The following YARS1 variants were observed in gnomAD, a reference collection of about 807,000 sequenced individuals.
The protein encoded by YARS1 is tyrosine--tRNA ligase, cytoplasmic.
Under a neutral mutation model 62.2 loss-of-function variants are expected in YARS1, and 36 were observed. The ratio of observed to expected loss-of-function variants is 0.58; its 90% CI spans 0.44 to 0.76. YARS1 has a LOEUF of 0.76. Ranked by LOEUF, YARS1 falls within the 30% of genes least tolerant of loss-of-function variation. YARS1 has a pLI of 0.00. For synonymous variants in YARS1, 234 were observed against 244.9 expected, an observed-to-expected ratio of 0.96 and a Z score of 0.42; for missense variants, 524 against 639.8, an observed-to-expected ratio of 0.82 and a Z score of 1.95.
Position 32,780,234 on chromosome 1 carries a change from C to T in YARS1, c.1185G>A (p.Gly395=), listed in dbSNP as rs1185333126. The part of the protein sequence containing the change: ...DSLYVEKIDV[G]EAEPRTVVSG... ...TCACCACAGTCCGTGGTTCAGCTTCCCCCACGTCAATCTTCTCTACATACA... is the reference window on the plus strand; with the variant it reads ...TCACCACAGTCCGTGGTTCAGCTTCTCCCACGTCAATCTTCTCTACATACA... The change falls in exon 11 of 13, where the codon GGG becomes GGA. Residue 395 remains glycine, a synonymous_variant. Coordinates refer to ENST00000373477, the MANE Select transcript of YARS1 (RefSeq NM_003680.4). 2 of 1,614,132 alleles carry T rather than the reference C, an allele frequency of 1.2e-6. No individual in the cohort carries two copies. The highest frequency in any genetic ancestry group is 3.3e-5 in the Admixed American group (2 of 60,014).
intron 4 of YARS1, among the ~76,000 whole-genome samples, chr1:32,804,717 C>T (rs1638407456): frequency 6.6e-6 from 1 of 151,702 alleles, no homozygotes; most frequent in Non-Finnish European, 1.5e-5. Context: ...GACGTGATGG[C>T]GGCCGGGAAG....
intron 4 of YARS1, among the ~76,000 whole-genome samples, chr1:32,799,535 T>C (rs1388400165): frequency 3.3e-5 from 5 of 152,080 alleles, no homozygotes; most frequent in Admixed American, 3.3e-4. Flanking sequence ...TTTAAAAAAG[T>C]AGAATCGATA....
At chr1:32,792,502 G>T (rs1233103957) in intron 5 of YARS1, among the ~76,000 whole-genome samples, 1 of 152,116 alleles carries the variant, frequency 6.6e-6, no homozygotes, top group African/African-American at 2.4e-5. Context: ...GAGAAAAGTG[G>T]CTGACAGTTA....
intron 6 of YARS1, among the ~76,000 whole-genome samples, chr1:32,789,252 G>A (rs1012636724): frequency 2.6e-5 from 4 of 152,112 alleles, no homozygotes; most frequent in African/African-American, 9.7e-5. Flanking sequence ...GGACATCTTT[G>A]CAGTCTTTTC....
Position 32,797,854 on chromosome 1 carries a change from A to G in YARS1, c.511-11T>C. 1 of 1,610,846 alleles carries G rather than the reference A, an allele frequency of 6.2e-7. No individual in the cohort carries two copies. The highest frequency in any genetic ancestry group is 8.5e-7 in the Non-Finnish European group (1 of 1,177,174). ...CTCTTCATCCAAAGCCTGTGGAAAG[A>G]AACACATGAACATAAACATCTACTT... On this transcript the variant is annotated splice_polypyrimidine_tract_variant and intron_variant, in intron 4 of 12. Coordinates refer to ENST00000373477, the MANE Select transcript of YARS1 (RefSeq NM_003680.4).
At chr1:32,797,252 G>T (rs1393020352) in intron 5 of YARS1, among the ~76,000 whole-genome samples, 1 of 150,606 alleles carries the variant, frequency 6.6e-6, no homozygotes, top group African/African-American at 2.4e-5. Flanking sequence ...TGCACCTGTG[G>T]TCCCAGCTAC....
chr1:32,785,038 C>G (rs1454143654), intron 8 of YARS1, among the ~76,000 whole-genome samples: 1 of 152,224 alleles, frequency 6.6e-6, no homozygotes, highest in African/African-American at 2.4e-5. Context: ...TTTATTCCAG[C>G]CTGCTAAGTC....
In YARS1 at chr1:32,790,029, G is replaced by A. The variant is rs189942822; in HGVS notation, c.684+1133C>T. Reference sequence around the variant, plus strand: ...CTCCCTAGTAGCTGGGATTACAGGCGCCTGCCACCACGACTGGCTAATTTT... The same window carrying A: ...CTCCCTAGTAGCTGGGATTACAGGCACCTGCCACCACGACTGGCTAATTTT... On this transcript the variant is annotated intron_variant, in intron 6 of 12. Coordinates refer to ENST00000373477, the MANE Select transcript of YARS1 (RefSeq NM_003680.4). 7.7e-3 allele frequency among the ~76,000 whole-genome samples: 1,163 copies of A among 150,200 alleles called. 16 individuals carry two copies. The highest frequency in any genetic ancestry group is 0.026 in the African/African-American group (1,075 of 40,868).
chr1:32,782,645 G>A, intron 8 of YARS1, 106 bp from the exon 9 acceptor site: 1 of 1,462,154 alleles, frequency 6.8e-7, no homozygotes, highest in East Asian at 2.3e-5. Context: ...AGTCTTATTT[G>A]ATCCTTGTGA....
chr1:32,785,676 A>G (rs2148603354), intron 8 of YARS1, among the ~76,000 whole-genome samples: 1 of 151,576 alleles, frequency 6.6e-6, no homozygotes, highest in East Asian at 2.0e-4. Context: ...TCCGACTCCC[A>G]GGTTCAAGCG....
intron 1 of YARS1, 168 bp downstream of exon 1, chr1:32,817,020 G>C (rs1245159181): frequency 1.2e-6 from 1 of 829,084 alleles, no homozygotes; most frequent in African/African-American, 1.7e-5. Context: ...CCAGGGAAGG[G>C]CTGCTTGATT....
At chr1:32,806,302 G>A (rs1473108025) in intron 4 of YARS1, among the ~76,000 whole-genome samples, 180 bp downstream of exon 4, 4 of 152,234 alleles carry the variant, frequency 2.6e-5, no homozygotes, top group Non-Finnish European at 5.9e-5. Context: ...GACACGAAGT[G>A]AGCACATGCT....
Position 32,817,316 on chromosome 1 carries a change from G to C in YARS1, c.-72C>G. ...CTTCCTGGGTCACCGTCGCCGCCGC[G>C]TGCCGGGAACTGTCACGCGAGTCCA... On this transcript the variant is annotated 5_prime_UTR_variant, in exon 1 of 13. Coordinates refer to ENST00000373477, the MANE Select transcript of YARS1 (RefSeq NM_003680.4). 6.3e-7 allele frequency: 1 copy of C among 1,591,382 alleles called. No individual in the cohort carries two copies. The highest frequency in any genetic ancestry group is 8.6e-7 in the Non-Finnish European group (1 of 1,163,976).
intron 9 of YARS1, 33 bp downstream of exon 9, chr1:32,782,371 T>C: frequency 3.7e-6 from 6 of 1,613,910 alleles, no homozygotes; most frequent in Non-Finnish European, 4.2e-6. Flanking sequence ...CTCTCTCTCC[T>C]GATGATGTCG....
rs1345992968 is a variant in YARS1, at chr1:32,776,832, G to A, written c.1477-741C>T. Among the ~76,000 whole-genome samples, 2 of 151,898 alleles carry A rather than the reference G, an allele frequency of 1.3e-5. No individual in the cohort carries two copies. The highest frequency in any genetic ancestry group is 4.8e-5 in the African/African-American group (2 of 41,412). On this transcript the variant is annotated intron_variant, in intron 12 of 12. Transcript: ENST00000373477. This position sits in a 1 kb window ranked among gnomAD's most constrained non-coding sequence, Gnocchi z 4.0. ...TTACAAAAAATTAGCCGGGTGTGGT[G>A]GTGGGGCGCCTGTAGTCCCAGCTAC...
At chr1:32,789,919 T>G (rs1653358940) in intron 6 of YARS1, among the ~76,000 whole-genome samples, 2 of 148,562 alleles carry the variant, frequency 1.3e-5, no homozygotes, top group South Asian at 4.3e-4. Context: ...GTCTCGCTCT[T>G]GTTGCCCAGG....
chr1:32,813,968 A>C (rs377300402), intron 1 of YARS1, among the ~76,000 whole-genome samples: 23 of 152,208 alleles, frequency 1.5e-4, no homozygotes, highest in East Asian at 5.8e-4. Context: ...AAATATTAGC[A>C]ATCTTTGGGG....
At chr1:32,786,727 T>C (rs2148603947) in intron 7 of YARS1, 1 of 760,056 alleles carries the variant, frequency 1.3e-6, no homozygotes, top group Non-Finnish European at 2.1e-6. Context: ...CTCTGCCCAC[T>C]CCAGTATTCC....
At chr1:32,793,221 A>G (rs749217428) in intron 5 of YARS1, among the ~76,000 whole-genome samples, 7 of 152,212 alleles carry the variant, frequency 4.6e-5, no homozygotes, top group African/African-American at 1.4e-4. Context: ...GAGAAAGAGA[A>G]TAAGAGAGAA....
Sources: gnomAD v4.1 joint callset for allele counts (sites outside exome capture counted in the v4.1 genomes callset) on GRCh38, gnomAD v4.1.1 for gene constraint, Gnocchi (gnomAD v3.1) non-coding constraint, MANE v1.5 for transcripts, NCBI Gene and HGNC (gene_info 2026-07-23, HGNC 2026-07-21) for gene names.